SPATA17: variants seen among roughly 807,000 people sequenced by gnomAD.
SPATA17 encodes spermatogenesis associated 17, also known as spermatogenesis-associated protein 17.
Under a neutral mutation model 62.2 loss-of-function variants are expected in SPATA17, and 53 were observed. That is an observed-to-expected ratio of 0.85 (90% confidence interval 0.68 to 1.07). SPATA17 has a LOEUF of 1.07. Ranked by LOEUF, SPATA17 falls within the 50% of genes least tolerant of loss-of-function variation. The pLI is 0.00. For synonymous variants in SPATA17, 146 were observed against 146.8 expected, an observed-to-expected ratio of 0.99 and a Z score of 0.04; for missense variants, 466 against 425.5, an observed-to-expected ratio of 1.10 and a Z score of -0.84.
intron 8 of SPATA17, among the ~76,000 whole-genome samples, chr1:217,783,285 T>C (rs1161706848): frequency 6.6e-6 from 1 of 151,824 alleles, no homozygotes; most frequent in African/African-American, 2.4e-5. Flanking sequence ...AGTTATAAGT[T>C]ATATATACAT....
At chr1:217,737,465 G>A (rs909640829) in intron 5 of SPATA17, among the ~76,000 whole-genome samples, 1 of 152,148 alleles carries the variant, frequency 6.6e-6, no homozygotes, top group Non-Finnish European at 1.5e-5. Context: ...TTAAGGGAAG[G>A]GAGGAGGGAG....
intron 6 of SPATA17, among the ~76,000 whole-genome samples, chr1:217,749,706 C>A (rs1213894307): frequency 6.6e-6 from 1 of 151,694 alleles, no homozygotes. Context: ...AATATATTTA[C>A]CACCATCAGA....
intron 5 of SPATA17, among the ~76,000 whole-genome samples, chr1:217,687,994 C>A (rs1467501846): frequency 1.3e-5 from 2 of 152,132 alleles, no homozygotes; most frequent in Non-Finnish European, 2.9e-5. Context: ...ACTTAAAAAA[C>A]ATCATACATA....
intron 5 of SPATA17, among the ~76,000 whole-genome samples, chr1:217,699,314 T>C (rs1192214445): frequency 6.6e-6 from 1 of 152,216 alleles, no homozygotes; most frequent in African/African-American, 2.4e-5. Flanking sequence ...CCATTTTACA[T>C]TCCCACCAGG....
At chr1:217,811,171 T>G (rs994627084) in intron 9 of SPATA17, among the ~76,000 whole-genome samples, 2 of 152,162 alleles carry the variant, frequency 1.3e-5, no homozygotes, top group Admixed American at 6.5e-5. Context: ...ATAGCTGGGA[T>G]TACAGGCATG....
intron 9 of SPATA17, among the ~76,000 whole-genome samples, chr1:217,830,931 A>G (rs971938131): frequency 1.3e-5 from 2 of 152,188 alleles, no homozygotes; most frequent in Non-Finnish European, 2.9e-5. Flanking sequence ...AAGAATATTA[A>G]TTAAATATTA....
At chr1:217,866,479 G>C (rs1327641530) in intron 10 of SPATA17, 1 of 152,126 alleles carries the variant, frequency 6.6e-6, no homozygotes, top group Non-Finnish European at 1.5e-5. Flanking sequence ...TTTTTTCAGA[G>C]AGACAGGGTC....
At chr1:217,644,518 G>A (rs1670137866) in intron 1 of SPATA17, among the ~76,000 whole-genome samples, 1 of 152,036 alleles carries the variant, frequency 6.6e-6, no homozygotes, top group South Asian at 2.1e-4. Context: ...AAAGAGTATT[G>A]AGTTTTTAAT....
At position 217,672,747 on chromosome 1, in the gene SPATA17, CT is replaced by C. The variant is rs1358550323; in HGVS notation, c.291+3665del. 7.2e-5 allele frequency among the ~76,000 whole-genome samples: 11 copies of C among 152,194 alleles called. No homozygotes were observed. The East Asian group carries it at 1.9e-3, about 27-fold the overall frequency. On this transcript the variant is annotated intron_variant, in intron 4 of 10. Coordinates refer to ENST00000366933, the MANE Select transcript of SPATA17 (RefSeq NM_138796.4). Reference sequence around the variant, plus strand: ...TTTCTCTAAAGACTTTATGATCCCCCTACCCCTGTAGAATTTATCACTTTCC... The same window carrying C: ...TTTCTCTAAAGACTTTATGATCCCCCACCCCTGTAGAATTTATCACTTTCC...
chr1:217,810,099 G>A (rs1674549728), intron 9 of SPATA17, among the ~76,000 whole-genome samples: 1 of 152,034 alleles, frequency 6.6e-6, no homozygotes, highest in Non-Finnish European at 1.5e-5. Flanking sequence ...CTAAAATAAT[G>A]TAGTACTTCC....
chr1:217,732,813 A>G (rs1455890961), intron 5 of SPATA17, among the ~76,000 whole-genome samples: 5 of 152,168 alleles, frequency 3.3e-5, no homozygotes, highest in Non-Finnish European at 5.9e-5. Context: ...ATATAAATAT[A>G]TTTTATTATT....
intron 9 of SPATA17, among the ~76,000 whole-genome samples, chr1:217,827,388 A>G (rs1398823939): frequency 6.6e-6 from 1 of 152,048 alleles, no homozygotes; most frequent in Admixed American, 6.6e-5. Context: ...TAAAATTATA[A>G]TGCCTGCAGA....
intron 9 of SPATA17, among the ~76,000 whole-genome samples, chr1:217,862,215 G>A (rs1242905537): frequency 6.6e-6 from 1 of 152,096 alleles, no homozygotes; most frequent in Non-Finnish European, 1.5e-5. Flanking sequence ...GACTTCACCT[G>A]TTTTAACATA....
chr1:217,788,824 G>A (rs1159648794), intron 8 of SPATA17, among the ~76,000 whole-genome samples: 1 of 152,150 alleles, frequency 6.6e-6, no homozygotes, highest in African/African-American at 2.4e-5. Context: ...TATTGTTTAA[G>A]CCACCACCAA....
At chr1:217,732,787 CT>C (rs76793592) in intron 5 of SPATA17, among the ~76,000 whole-genome samples, 21,665 of 151,972 alleles carry the variant, frequency 0.14, 1,617 homozygotes, top group Non-Finnish European at 0.16. Flanking sequence ...ATTTGGAGCC[CT>C]GAAAATAATG....
chr1:217,706,761 CTG>C lies in SPATA17; in HGVS notation c.395+23401_395+23402del, dbSNP rs200790275. Among the ~76,000 whole-genome samples, 1,183 of 152,256 alleles carry C rather than the reference CTG, an allele frequency of 7.8e-3. 7 individuals are homozygous for C. Among genetic ancestry groups the C allele is most frequent in the Non-Finnish European group, 0.012 (795 of 68,020 alleles). On this transcript the variant is annotated intron_variant, in intron 5 of 10. Coordinates refer to ENST00000366933, the MANE Select transcript of SPATA17 (RefSeq NM_138796.4). ...GTTTTTCCATTTGGTTGCATTGTCT[CTG>C]ATTTCTTTGAGCAGTCTTTTGTAAT...
chr1:217,863,004 AGT>A, intron 10 of SPATA17, 148 bp downstream of exon 10: 1 of 440,144 alleles, frequency 2.3e-6, no homozygotes, highest in Non-Finnish European at 3.9e-6. Context: ...CCTTCATTGT[AGT>A]GTAATGGTTT....
intron 8 of SPATA17, among the ~76,000 whole-genome samples, chr1:217,797,857 C>T (rs1000751615): frequency 2.0e-5 from 3 of 152,022 alleles, no homozygotes; most frequent in East Asian, 3.9e-4. Context: ...AATAACTGTT[C>T]TGTTTTGAAC....
At chr1:217,710,248 G>A (rs1292113312) in intron 5 of SPATA17, among the ~76,000 whole-genome samples, 3 of 152,130 alleles carry the variant, frequency 2.0e-5, no homozygotes, top group Non-Finnish European at 2.9e-5. Context: ...TGGTAGACAT[G>A]TTCTTTTGTA....
Sources: allele counts gnomAD v4.1 joint callset (sites outside exome capture counted in the v4.1 genomes callset), GRCh38; gene constraint gnomAD v4.1.1; transcripts MANE v1.5; gene names NCBI Gene and HGNC (gene_info 2026-07-23, HGNC 2026-07-21).